The following AXIN1 variants were observed in gnomAD, a reference collection of about 807,000 sequenced individuals.
The protein encoded by AXIN1 is axin 1, also known as axin-1.
AXIN1 carries 30 observed loss-of-function variants against 76.4 expected under a neutral mutation model. The ratio of observed to expected loss-of-function variants is 0.39; its 90% CI spans 0.29 to 0.53. The LOEUF (loss-of-function observed/expected upper bound fraction) is 0.53, where lower values mean the gene tolerates loss of function less well. AXIN1 is among the 20% of genes least tolerant of loss of function. The pLI is 0.66. For missense variants in AXIN1, 1,140 were observed against 1,198.8 expected, an observed-to-expected ratio of 0.95 and a Z score of 0.72; for synonymous variants, 545 against 501.4, an observed-to-expected ratio of 1.09 and a Z score of -1.16.
intron 5 of AXIN1, among the ~76,000 whole-genome samples, chr16:300,923 G>A (rs947132546): frequency 1.3e-5 from 2 of 152,156 alleles, no homozygotes; most frequent in African/African-American, 2.4e-5. Context: ...TTAACCACTC[G>A]GCTAATGGTT....
chr16:339,958 A>C (rs2053883190), intron 2 of AXIN1, among the ~76,000 whole-genome samples: 2 of 152,154 alleles, frequency 1.3e-5, no homozygotes, highest in South Asian at 4.1e-4. Flanking sequence ...CCACCGCCTG[A>C]GGTCCAACGG....
rs2141592807 is a variant in AXIN1 at position 314,574 on chromosome 16, C to T, written c.988G>A (p.Ala330Thr). 1 of 1,613,910 alleles carries T rather than the reference C, an allele frequency of 6.2e-7. No individual in the cohort carries two copies. Among genetic ancestry groups the T allele is most frequent in the Non-Finnish European group, 8.5e-7 (1 of 1,179,926 alleles). The change falls in exon 3 of 11, where the codon GCA becomes ACA. Residue 330 changes from alanine (A) to threonine (T), a missense_variant. This residue lies in a region of AXIN1 where 708 missense variants were observed against 776.9 expected (regional missense o/e 0.91). Transcript: ENST00000262320. ...CTGTCCGTGAGGGACAGGGTGTCTGCATCGCTGGACAGGCTCTGCTGCTCG... is the reference window on the plus strand; with the variant it reads ...CTGTCCGTGAGGGACAGGGTGTCTGTATCGCTGGACAGGCTCTGCTGCTCG... ...DSEQQSLSSD[A>T]DTLSLTDSSV...
At chr16:315,943 C>T (rs2053292365) in intron 2 of AXIN1, among the ~76,000 whole-genome samples, 1 of 151,558 alleles carries the variant, frequency 6.6e-6, no homozygotes, top group South Asian at 2.1e-4. Flanking sequence ...ATCCCAGCTA[C>T]TTGGGAGGCT....
In AXIN1 at chr16:318,937, G is replaced by A. The variant is rs577323362; in HGVS notation, c.879-4254C>T. Reference sequence around the variant, plus strand: ...GAGAGTGGCTCTGACCCCTGGCTGTGTGTGGAGAGAATGCGGCCGGGGCCT... The same window carrying A: ...GAGAGTGGCTCTGACCCCTGGCTGTATGTGGAGAGAATGCGGCCGGGGCCT... On this transcript the variant is annotated intron_variant, in intron 2 of 10. Transcript: ENST00000262320. Among the ~76,000 whole-genome samples the A allele has an allele frequency of 1.2e-3, 186 of 151,540 alleles. 1 individual carries two copies. Among genetic ancestry groups the A allele is most frequent in the Admixed American group, 0.012 (177 of 15,246 alleles).
Position 287,454 on chromosome 16 carries a change from A to G in AXIN1, c.*668T>C. ...CCACAGCCAGGGCAGGTTCAAAAACAGTTTTATTTCATTATTATCCAAGTA... is the reference window on the plus strand; with the variant it reads ...CCACAGCCAGGGCAGGTTCAAAAACGGTTTTATTTCATTATTATCCAAGTA... On this transcript the variant is annotated 3_prime_UTR_variant, in exon 11 of 11. Coordinates refer to ENST00000262320, the MANE Select transcript of AXIN1 (RefSeq NM_003502.4). 1 of 439,302 alleles carries G rather than the reference A, an allele frequency of 2.3e-6. No homozygotes were observed. The highest frequency in any genetic ancestry group is 4.3e-5 in the South Asian group (1 of 23,522). The allele number at this position is 439,302 out of a possible 1,614,324, so 27.2% of individuals were successfully genotyped here. A position where few individuals can be genotyped will look rare whatever the true frequency, so the allele number is the denominator to read the frequency against.
intron 2 of AXIN1, among the ~76,000 whole-genome samples, chr16:315,555 C>T (rs569429420): frequency 5.8e-4 from 88 of 152,262 alleles, no homozygotes; most frequent in African/African-American, 2.0e-3. Flanking sequence ...AGGCCGGGTG[C>T]GGTGGCTCAT....
rs752268532 is a variant in AXIN1 at position 310,015 on chromosome 16, C to G, written c.1074G>C (p.Glu358Asp). The G allele has an allele frequency of 3.1e-6, 5 of 1,613,374 alleles. No individual in the cohort carries two copies. Among genetic ancestry groups the G allele is most frequent in the Non-Finnish European group, 4.2e-6 (5 of 1,180,008 alleles). Residue 358 changes from glutamate to aspartate, a missense_variant, in exon 4 of 11, where the codon GAG becomes GAC. Glu to Asp is a conservative substitution (Grantham distance 45). Around this residue, in one of 3 missense-constraint regions of AXIN1, gnomAD observed 708 missense variants for 776.9 expected, o/e 0.91. Transcript: ENST00000262320. ...GCACCCGCCCATTGACCTGCACGCT[C>G]TCCTGCATCTCCCTGCGGTGCTGCT... is the stretch of plus-strand genomic sequence containing the variant. ...IRKQHRREMQESVQVNGRVPL... is the reference protein window; with the variant it reads ...IRKQHRREMQDSVQVNGRVPL...
rs796665119 is a variant in AXIN1 at position 310,032 on chromosome 16, G to A, written c.1057C>T (p.Arg353Cys). 1.9e-6 allele frequency: 3 copies of A among 1,613,264 alleles called. No homozygotes were observed. The highest frequency in any genetic ancestry group is 1.7e-4 in the Middle Eastern group (1 of 6,054). Residue 353 changes from arginine to cysteine, a missense_variant, in exon 4 of 11, where the codon CGC becomes TGC. By Grantham distance (180) the Arg-to-Cys change is radical. This residue lies in a region of AXIN1 where 708 missense variants were observed against 776.9 expected (regional missense o/e 0.91). Transcript: ENST00000262320. Reference sequence around the variant, plus strand: ...TGCACGCTCTCCTGCATCTCCCTGCGGTGCTGCTTACGGATCCTGTATGGG... The same window carrying A: ...TGCACGCTCTCCTGCATCTCCCTGCAGTGCTGCTTACGGATCCTGTATGGG... ...IPPYRIRKQH[R>C]REMQESVQVN...
At position 342,392 on chromosome 16, in the gene AXIN1, C is replaced by T. The variant is rs118100148; in HGVS notation, c.878+3756G>A. Among the ~76,000 whole-genome samples the T allele has an allele frequency of 3.9e-5, 6 of 152,266 alleles. No homozygotes were observed. In the South Asian group the frequency reaches 1.0e-3, roughly 26 times the overall value. On this transcript the variant is annotated intron_variant, in intron 2 of 10. Transcript: ENST00000262320. ...AAGAACCCACCAATTCCGGACACAC[C>T]GGGACGACTAACCGGCTCTCCACAG...
intron 2 of AXIN1, among the ~76,000 whole-genome samples, chr16:329,772 A>G (rs375212454): frequency 2.1e-3 from 310 of 148,570 alleles, no homozygotes; most frequent in African/African-American, 7.4e-3. Context: ...TACAGGTGCC[A>G]GCCACCTTGC....
At chr16:291,491 C>T (rs1206309772) in intron 8 of AXIN1, 194 bp from the exon 9 acceptor site, 2 of 629,184 alleles carry the variant, frequency 3.2e-6, no homozygotes, top group African/African-American at 1.8e-5. Context: ...GTACCCGATA[C>T]TGCAGCGCGC....
chr16:288,408 A>C lies in AXIN1; in HGVS notation c.2463-160T>G, dbSNP rs1243033749. The C allele has an allele frequency of 3.7e-6, 4 of 1,073,468 alleles. No individual in the cohort carries two copies. In the East Asian group the frequency reaches 1.0e-4, roughly 28 times the overall value. 66.5% of individuals were successfully genotyped at this position (1,073,468 alleles called of 1,614,324 possible). A position where few individuals can be genotyped will look rare whatever the true frequency, so the allele number is the denominator to read the frequency against. ...GCGCCCCCTCCCAGGGCAACAGTGA[A>C]CAGTGCAATGACCACATGTGGGTGA... is the stretch of plus-strand genomic sequence containing the variant. On this transcript the variant is annotated intron_variant, in intron 10 of 10. Coordinates refer to ENST00000262320, the MANE Select transcript of AXIN1 (RefSeq NM_003502.4).
At chr16:300,946 T>G (rs1317303558) in intron 5 of AXIN1, among the ~76,000 whole-genome samples, 1 of 152,222 alleles carries the variant, frequency 6.6e-6, no homozygotes, top group African/African-American at 2.4e-5. Context: ...TGTTTTCTTC[T>G]TTGTGCTTTA....
chr16:295,508 A>G (rs1044650887), intron 7 of AXIN1, among the ~76,000 whole-genome samples: 1 of 151,888 alleles, frequency 6.6e-6, no homozygotes. Context: ...GTGTGATTAC[A>G]CCACTGCACT....
rs374579262 is a variant in AXIN1, at chr16:291,260, C to T, written c.2224G>A (p.Val742Ile). Residue 742 changes from valine to isoleucine, a missense_variant, in exon 9 of 11, where the codon GTC becomes ATC. Around this residue, in one of 3 missense-constraint regions of AXIN1, gnomAD observed 429 missense variants for 405.8 expected, o/e 1.06. Coordinates refer to ENST00000262320, the MANE Select transcript of AXIN1 (RefSeq NM_003502.4). The part of the protein sequence containing the change: ...QEVMRRGRAC[V>I]RPACAPVLHV... ...AGCACCGGCGCGCACGCTGGCCTGA[C>T]GCAGGCGCGTCCCCGCCGCATAACC... is the stretch of plus-strand genomic sequence containing the variant. 1.6e-5 allele frequency: 25 copies of T among 1,583,748 alleles called. No individual in the cohort carries two copies. In the East Asian group the frequency reaches 1.6e-4, roughly 10 times the overall value.
chr16:313,728 T>C (rs2053236295), intron 3 of AXIN1, among the ~76,000 whole-genome samples: 1 of 152,232 alleles, frequency 6.6e-6, no homozygotes. Context: ...GCCAGTGCCC[T>C]ACTGCAACAA....
intron 4 of AXIN1, among the ~76,000 whole-genome samples, chr16:305,840 G>C (rs540900140): frequency 1.3e-5 from 2 of 151,730 alleles, no homozygotes; most frequent in Admixed American, 6.6e-5. Flanking sequence ...CACTGCACCC[G>C]GCCCCCCTAT....
intron 2 of AXIN1, among the ~76,000 whole-genome samples, chr16:332,334 T>C (rs1216869992): frequency 6.6e-6 from 1 of 150,966 alleles, no homozygotes; most frequent in Non-Finnish European, 1.5e-5. Flanking sequence ...TCCCAGCACT[T>C]TGGGAGGCCA....
rs536818369 is a variant in AXIN1, at chr16:288,064, C to G, written c.*58G>C. ...CTGAGTACGAGGTCATCTGCCTGGC[C>G]GTGACACCCGTGCCCGCCAAGGGCC... On this transcript the variant is annotated 3_prime_UTR_variant, in exon 11 of 11. Coordinates refer to ENST00000262320, the MANE Select transcript of AXIN1 (RefSeq NM_003502.4). 8 of 1,611,066 alleles carry G rather than the reference C, an allele frequency of 5.0e-6. No homozygotes were observed. The highest frequency in any genetic ancestry group is 1.3e-5 in the African/African-American group (1 of 74,918).
Sources: allele counts gnomAD v4.1 joint callset (sites outside exome capture counted in the v4.1 genomes callset), GRCh38; gene constraint gnomAD v4.1.1; regional missense constraint gnomAD v4.1.1; transcripts MANE v1.5; gene names NCBI Gene and HGNC (gene_info 2026-07-23, HGNC 2026-07-21).